The following COL5A2 variants were observed in gnomAD, a reference collection of about 807,000 sequenced individuals.
The protein encoded by COL5A2 is collagen type V alpha 2 chain, also known as collagen alpha-2(V) chain.
In COL5A2, 23 loss-of-function variants were observed where a neutral mutation model predicts 208.2. That is an observed-to-expected ratio of 0.11 (90% CI 0.08 to 0.16). COL5A2 has a LOEUF of 0.16. Among genes scored for constraint, COL5A2 ranks in the 10% least tolerant of loss-of-function variants. COL5A2 has a pLI of 1.00. For synonymous variants in COL5A2, 625 were observed against 628.5 expected (o/e 0.99, Z 0.08); for missense variants, 1,590 against 1,956.4 (o/e 0.81, Z 3.53).
the COL5A2 span, among the ~76,000 whole-genome samples, chr2:189,230,560 A>T: frequency 2.6e-5 from 4 of 151,940 alleles, 1 homozygote; most frequent in African/African-American, 9.7e-5. Context: ...GAAAATTTCA[A>T]AACAGCTAAC....
chr2:189,155,805 G>T (rs1453400884), intron 1 of COL5A2, among the ~76,000 whole-genome samples: 1 of 152,148 alleles, frequency 6.6e-6, no homozygotes, highest in Non-Finnish European at 1.5e-5. Context: ...TCAGAAGTCT[G>T]AAATGGGTTT....
intron 12 of COL5A2, among the ~76,000 whole-genome samples, chr2:189,082,800 G>C (rs1341378402): frequency 6.6e-6 from 1 of 152,240 alleles, no homozygotes; most frequent in Non-Finnish European, 1.5e-5. Flanking sequence ...GCATGAGCAA[G>C]AGTGCAGCAG....
At chr2:189,047,138 T>A (rs973497641) in intron 45 of COL5A2, among the ~76,000 whole-genome samples, 19 of 145,898 alleles carry the variant, frequency 1.3e-4, no homozygotes, top group African/African-American at 3.1e-4. Context: ...AAAAAAAAAA[T>A]ACTTAAAGCA....
the COL5A2 span, among the ~76,000 whole-genome samples, chr2:189,427,798 G>A: frequency 1.3e-5 from 2 of 152,166 alleles, no homozygotes; most frequent in African/African-American, 4.8e-5. Flanking sequence ...ACTTGCACAG[G>A]CCTATAGACT....
At chr2:189,289,146 A>C in the COL5A2 span, among the ~76,000 whole-genome samples, 1 of 152,094 alleles carries the variant, frequency 6.6e-6, no homozygotes, top group African/African-American at 2.4e-5. Flanking sequence ...GTTCGAAACC[A>C]GCCTGGCCAA....
the COL5A2 span, among the ~76,000 whole-genome samples, chr2:189,327,328 C>G: frequency 6.6e-6 from 1 of 151,536 alleles, no homozygotes; most frequent in South Asian, 2.1e-4. Context: ...GTTTTTAGTT[C>G]ACAAATAGCA....
the COL5A2 span, among the ~76,000 whole-genome samples, chr2:189,324,304 A>C: frequency 6.6e-6 from 1 of 152,230 alleles, no homozygotes; most frequent in Non-Finnish European, 1.5e-5. Context: ...CAGAAGCCAA[A>C]ATTGACAAAT....
chr2:189,384,534 G>A, the COL5A2 span, among the ~76,000 whole-genome samples: 1 of 152,028 alleles, frequency 6.6e-6, no homozygotes, highest in Non-Finnish European at 1.5e-5. Context: ...TAATATACCT[G>A]TTGGCCATAT....
the COL5A2 span, among the ~76,000 whole-genome samples, chr2:189,263,790 G>A: frequency 2.0e-5 from 3 of 152,218 alleles, no homozygotes; most frequent in African/African-American, 7.2e-5. Flanking sequence ...GTAACATGCT[G>A]TAAGGTTTGT....
At chr2:189,322,908 C>A in the COL5A2 span, among the ~76,000 whole-genome samples, 56 of 152,100 alleles carry the variant, frequency 3.7e-4, no homozygotes, top group African/African-American at 1.3e-3. Context: ...TGATGAACAT[C>A]GATGCAAAAA....
At chr2:189,149,420 C>A (rs1332615410) in intron 1 of COL5A2, among the ~76,000 whole-genome samples, 3 of 152,134 alleles carry the variant, frequency 2.0e-5, no homozygotes, top group African/African-American at 7.2e-5. Context: ...CCTCCACCAT[C>A]TAAAAGAAAT....
At chr2:189,197,270 CG>C (rs951533064) in intron 1 of COL5A2, among the ~76,000 whole-genome samples, 4 of 151,606 alleles carry the variant, frequency 2.6e-5, no homozygotes, top group Admixed American at 2.6e-4. Context: ...CAACACACAC[CG>C]GGGCCAGCCA....
At chr2:189,285,071 G>GGTGTGTGTGTGTGTGTGTGTGTGT in the COL5A2 span, among the ~76,000 whole-genome samples, 3 of 139,790 alleles carry the variant, frequency 2.1e-5, no homozygotes, top group East Asian at 4.3e-4. Flanking sequence ...GCATGCACAT[G>GGTGTGTGTGTGTGTGTGTGTGTGT]GTGTGTGTGT....
At chr2:189,038,816 A>T (rs1685495279) in intron 51 of COL5A2, among the ~76,000 whole-genome samples, 2 of 152,046 alleles carry the variant, frequency 1.3e-5, no homozygotes, top group African/African-American at 4.8e-5. Flanking sequence ...CAGCCTCCCG[A>T]GTAGCTGGAA....
chr2:189,372,705 T>C, the COL5A2 span, among the ~76,000 whole-genome samples: 1 of 152,270 alleles, frequency 6.6e-6, no homozygotes, highest in East Asian at 1.9e-4. Context: ...ACAAACAGCA[T>C]ATATAACTCA....
At chr2:189,367,034 C>T in the COL5A2 span, among the ~76,000 whole-genome samples, 5 of 152,100 alleles carry the variant, frequency 3.3e-5, no homozygotes, top group East Asian at 1.9e-4. Context: ...GTGAATCTAG[C>T]GCATAGGAAA....
At chr2:189,219,208 C>G (rs1488923727) in intron 1 of COL5A2, among the ~76,000 whole-genome samples, 1 of 152,118 alleles carries the variant, frequency 6.6e-6, no homozygotes, top group African/African-American at 2.4e-5. Flanking sequence ...TTATGCCTTA[C>G]TTTAAGGTTA....
chr2:189,431,549 G>T, the COL5A2 span, among the ~76,000 whole-genome samples: 1 of 152,124 alleles, frequency 6.6e-6, no homozygotes. Context: ...CATGACACAT[G>T]CACAAGCTTC....
chr2:189,036,045 T>C (rs555273849), intron 52 of COL5A2, among the ~76,000 whole-genome samples: 1 of 152,258 alleles, frequency 6.6e-6, no homozygotes, highest in Admixed American at 6.5e-5. Context: ...GATTCAATTA[T>C]TTAGACATTA....
Sources: gnomAD v4.1 joint callset for allele counts (sites outside exome capture counted in the v4.1 genomes callset) on GRCh38, gnomAD v4.1.1 for gene constraint, MANE v1.5 for transcripts, NCBI Gene and HGNC (gene_info 2026-07-23, HGNC 2026-07-21) for gene names.